Variants in PKHD1L1 observed in about 807,000 individuals in gnomAD.
PKHD1L1 encodes PKHD1 like 1, also known as fibrocystin-L.
PKHD1L1 carries 434 observed loss-of-function variants against 462.9 expected under a neutral mutation model. The observed-to-expected ratio is 0.94, with a 90% confidence interval of 0.87 to 1.02. The LOEUF (loss-of-function observed/expected upper bound fraction) is 1.02. PKHD1L1 is among the 50% of genes least tolerant of loss of function. The probability of loss-of-function intolerance (pLI) is 0.00; values close to 1 mark genes in which losing one functional copy is unlikely to be tolerated. For missense variants in PKHD1L1, 5,202 were observed against 5,096.1 expected (o/e 1.02, Z -0.63); for synonymous variants, 1,781 against 1,750.0 (o/e 1.02, Z -0.44).
At chr8:109,472,979 T>A (rs544203610) in intron 50 of PKHD1L1, among the ~76,000 whole-genome samples, 40 of 152,262 alleles carry the variant, frequency 2.6e-4, no homozygotes, top group African/African-American at 9.6e-4. Flanking sequence ...AATATATGTA[T>A]AAAGTTATAC....
chr8:109,433,348 T>TA, intron 28 of PKHD1L1, 132 bp downstream of exon 28: 8 of 790,862 alleles, frequency 1.0e-5, no homozygotes, highest in African/African-American at 1.7e-5. Flanking sequence ...ATGATCCCTA[T>TA]GGGGTCATGA....
intron 45 of PKHD1L1, 102 bp downstream of exon 45, chr8:109,454,954 A>G (rs895744646): frequency 7.2e-7 from 1 of 1,390,114 alleles, no homozygotes; most frequent in Non-Finnish European, 9.6e-7. Context: ...TGATAAAGTG[A>G]AAGTGTGTTA....
Position 109,441,262 on chromosome 8 carries a change from T to C in PKHD1L1, c.4100-13T>C. The C allele has an allele frequency of 2.7e-6, 4 of 1,496,394 alleles. No individual in the cohort carries two copies. Among genetic ancestry groups the C allele is most frequent in the Non-Finnish European group, 3.6e-6 (4 of 1,105,808 alleles). The allele number at this position is 1,496,394 out of a possible 1,614,324, so 92.7% of individuals were successfully genotyped here. On this transcript the variant is annotated splice_polypyrimidine_tract_variant and intron_variant, in intron 33 of 77. Transcript: ENST00000378402. ...TTTGCTTTTTAAAAATATGCAGTAT[T>C]TATTCTTTCTAGGGTCCATCCCTTG...
intron 2 of PKHD1L1, 82 bp from the exon 3 acceptor site, chr8:109,381,288 A>G (rs893578298): frequency 3.9e-5 from 45 of 1,141,808 alleles, no homozygotes; most frequent in Non-Finnish European, 5.2e-5. Flanking sequence ...CATTTACTGC[A>G]TGATTTGATA....
In PKHD1L1 at chr8:109,505,552, C is replaced by T. The variant is rs1030323461; in HGVS notation, c.10994+1060C>T. ...AGGCAGAAAAAATTTTATTACTGAT[C>T]TTTGACCATTTTCAGCTTAGGGGAA... On this transcript the variant is annotated intron_variant, in intron 68 of 77. Transcript: ENST00000378402. Among the ~76,000 whole-genome samples, 7 of 152,056 alleles carry T rather than the reference C, an allele frequency of 4.6e-5. No individual in the cohort carries two copies. In the South Asian group the frequency reaches 1.4e-3, roughly 31 times the overall value.
chr8:109,410,668 G>C (rs1254799520), intron 19 of PKHD1L1, among the ~76,000 whole-genome samples: 1 of 150,506 alleles, frequency 6.6e-6, no homozygotes, highest in South Asian at 2.1e-4. Context: ...TGGTGGGGAC[G>C]CAGATCCAAA....
At chr8:109,466,796 A>G (rs1817466293) in intron 50 of PKHD1L1, 27 bp downstream of exon 50, 1 of 1,554,062 alleles carries the variant, frequency 6.4e-7, no homozygotes. Flanking sequence ...AGTTTAAACA[A>G]CTAATTTAAA....
chr8:109,527,277 G>A (rs758385776), intron 77 of PKHD1L1, among the ~76,000 whole-genome samples: 3 of 152,144 alleles, frequency 2.0e-5, no homozygotes, highest in Non-Finnish European at 4.4e-5. Flanking sequence ...TGAGGCAGGT[G>A]GATCACCTGA....
rs376864866 is a variant in PKHD1L1 at position 109,400,028 on chromosome 8, T to C, written c.1013-48T>C. The C allele has an allele frequency of 2.6e-6, 4 of 1,538,254 alleles. No homozygotes were observed. In the African/African-American group the frequency reaches 5.6e-5, roughly 21 times the overall value. The stretch of plus-strand genomic sequence containing the variant: ...ATCCAAATAGAAAGCCATTGAGGCA[T>C]TGCATTATGATCCTGATGAAAGTCT... On this transcript the variant is annotated intron_variant, in intron 12 of 77. Coordinates refer to ENST00000378402, the MANE Select transcript of PKHD1L1 (RefSeq NM_177531.6).
intron 73 of PKHD1L1, among the ~76,000 whole-genome samples, chr8:109,521,414 G>C (rs1376275068): frequency 1.3e-5 from 2 of 152,174 alleles, no homozygotes; most frequent in Non-Finnish European, 2.9e-5. Context: ...GTTTAAAAGT[G>C]GTTTTAGTAA....
intron 30 of PKHD1L1, among the ~76,000 whole-genome samples, 152 bp downstream of exon 30, chr8:109,436,611 T>C (rs1284340045): frequency 2.0e-5 from 3 of 152,204 alleles, no homozygotes; most frequent in African/African-American, 4.8e-5. Context: ...ATTTCTTCCA[T>C]ATCTTTCCAC....
chr8:109,413,470 T>C lies in PKHD1L1; in HGVS notation c.2285T>C (p.Phe762Ser). 2 of 1,582,318 alleles carry C rather than the reference T, an allele frequency of 1.3e-6. No individual in the cohort carries two copies. Among genetic ancestry groups the C allele is most frequent in the Non-Finnish European group, 1.7e-6 (2 of 1,162,372 alleles). ...GFLANYIGLK[F>S]QYQDNSKITR... ...CTGGCAAATTATATTGGTCTAAAAT[T>C]TCAGTACCAAGACAATAGCAAGATT... The change falls in exon 21 of 78, where the codon TTT (phenylalanine) becomes TCT (serine). Residue 762 changes from phenylalanine (F) to serine (S), a missense_variant. Around this residue, in one of 3 missense-constraint regions of PKHD1L1, gnomAD observed 4,497 missense variants for 4,336.8 expected, o/e 1.04. Coordinates refer to ENST00000378402, the MANE Select transcript of PKHD1L1 (RefSeq NM_177531.6).
chr8:109,391,326 G>A (rs1003906858), intron 9 of PKHD1L1, among the ~76,000 whole-genome samples: 3 of 152,114 alleles, frequency 2.0e-5, no homozygotes, highest in Admixed American at 2.0e-4. Flanking sequence ...TCTAGGACCT[G>A]AGCATTTTAT....
chr8:109,470,391 T>C (rs1198571897), intron 50 of PKHD1L1: 24 of 1,580,454 alleles, frequency 1.5e-5, no homozygotes, highest in East Asian at 2.2e-5. Flanking sequence ...ATCTTTCCAA[T>C]TGGAGAGAAC....
chr8:109,454,121 A>G (rs1438304420), intron 43 of PKHD1L1, 46 bp from the exon 44 acceptor site: 1 of 1,257,288 alleles, frequency 8.0e-7, no homozygotes, highest in Non-Finnish European at 1.1e-6. Flanking sequence ...GTAACTTTTA[A>G]CAAGATTTTT....
chr8:109,491,077 A>G lies in PKHD1L1; in HGVS notation c.10090A>G (p.Ile3364Val), dbSNP rs1818800015. The G allele has an allele frequency of 5.6e-6, 9 of 1,609,132 alleles. No individual in the cohort carries two copies. The highest frequency in any genetic ancestry group is 7.6e-6 in the Non-Finnish European group (9 of 1,176,578). ...AGATGGATTGGACATAGATGACAACATCATTCACTTTACAGTGGGGGAAGG... is the reference window on the plus strand; with the variant it reads ...AGATGGATTGGACATAGATGACAACGTCATTCACTTTACAGTGGGGGAAGG... ...GTDGLDIDDN[I>V]IHFTVGEGIR... Residue 3364 changes from isoleucine to valine, a missense_variant, in exon 61 of 78, where the codon ATC becomes GTC. This residue lies in a region of PKHD1L1 where 4,497 missense variants were observed against 4,336.8 expected (regional missense o/e 1.04). Coordinates refer to ENST00000378402, the MANE Select transcript of PKHD1L1 (RefSeq NM_177531.6).
intron 71 of PKHD1L1, among the ~76,000 whole-genome samples, chr8:109,512,169 T>C (rs1820025923): frequency 6.6e-6 from 1 of 152,166 alleles, no homozygotes; most frequent in Non-Finnish European, 1.5e-5. Flanking sequence ...GATGGTAGTT[T>C]CTTTTGTTGT....
intron 6 of PKHD1L1, 138 bp downstream of exon 6, chr8:109,385,768 A>G (rs1185226047): frequency 1.9e-6 from 1 of 534,830 alleles, no homozygotes; most frequent in Non-Finnish European, 3.1e-6. Flanking sequence ...GCCATATTAT[A>G]GAAAGTAAAA....
intron 72 of PKHD1L1, 148 bp downstream of exon 72, chr8:109,515,453 T>C: frequency 1.7e-6 from 1 of 604,332 alleles, no homozygotes; most frequent in Non-Finnish European, 2.6e-6. Context: ...AATACTAAGA[T>C]GTTTTCATTT....
Sources: gnomAD v4.1 joint callset for allele counts (sites outside exome capture counted in the v4.1 genomes callset) on GRCh38, gnomAD v4.1.1 for gene constraint, gnomAD v4.1.1 regional missense constraint, MANE v1.5 for transcripts, NCBI Gene and HGNC (gene_info 2026-07-23, HGNC 2026-07-21) for gene names.